The following GPM6B variants were observed in gnomAD, a reference collection of about 807,000 sequenced individuals.
GPM6B encodes the protein glycoprotein M6B.
Under a neutral mutation model 27.2 loss-of-function variants are expected in GPM6B, and 4 were observed. That is an observed-to-expected ratio of 0.15 (90% CI 0.07 to 0.34). The LOEUF is 0.34. GPM6B is among the 10% of genes least tolerant of loss of function. The probability of loss-of-function intolerance (pLI) is 1.00; values close to 1 mark genes in which losing one functional copy is unlikely to be tolerated. For synonymous variants in GPM6B, 124 were observed against 103.1 expected, an observed-to-expected ratio of 1.20 and a Z score of -1.23; for missense variants, 183 against 261.9, an observed-to-expected ratio of 0.70 and a Z score of 2.08.
intron 1 of GPM6B, among the ~76,000 whole-genome samples, chrX:13,832,067 T>C (rs770556457): frequency 9.0e-6 from 1 of 111,298 alleles, no homozygotes; most frequent in East Asian, 2.8e-4. Flanking sequence ...AAACAATATA[T>C]TTATGTACTT....
At chrX:13,810,806 A>T (rs112491988) in intron 1 of GPM6B, among the ~76,000 whole-genome samples, 1,510 of 109,946 alleles carry the variant, frequency 0.014, 23 homozygotes, top group African/African-American at 0.048. Context: ...CGGCAACTGG[A>T]TGGATGTGTT....
intron 1 of GPM6B, among the ~76,000 whole-genome samples, chrX:13,832,758 G>A (rs1603059450): frequency 8.9e-6 from 1 of 111,795 alleles, no homozygotes; most frequent in East Asian, 2.8e-4. Context: ...ATAGTCAGTG[G>A]CCTTTGAAAA....
chrX:13,789,612 A>G, intron 2 of GPM6B, among the ~76,000 whole-genome samples: 1 of 110,485 alleles, frequency 9.1e-6, no homozygotes, highest in Non-Finnish European at 1.9e-5. Context: ...CGTCTCTACT[A>G]AAAATACAAA....
intron 1 of GPM6B, among the ~76,000 whole-genome samples, chrX:13,930,336 C>T (rs7066931): frequency 0.4 from 44,191 of 110,502 alleles, 7,219 homozygotes; most frequent in Non-Finnish European, 0.52. Context: ...CAAGGGAGGC[C>T]GGGCACGGTG....
Position 13,857,863 on chromosome X carries a change from T to C in GPM6B, c.-197-72055A>G, listed in dbSNP as rs901779479. ...CACTTCAATGAGGTAGATAAACAAGTAAGCAAGGTTTTGTATTGCAAGCAT... is the reference window on the plus strand; with the variant it reads ...CACTTCAATGAGGTAGATAAACAAGCAAGCAAGGTTTTGTATTGCAAGCAT... On this transcript the variant is annotated intron_variant, in intron 1 of 6. Transcript: ENST00000398361. 1.8e-5 allele frequency among the ~76,000 whole-genome samples: 2 copies of C among 112,678 alleles called. 1 individual carries two copies. The highest frequency in any genetic ancestry group is 5.5e-4 in the East Asian group (2 of 3,617).
At position 13,780,751 on chromosome X, in the gene GPM6B, A is replaced by T. The variant is rs753830697; in HGVS notation, c.526-762T>A. Among the ~76,000 whole-genome samples the T allele has an allele frequency of 2.1e-3, 229 of 110,681 alleles. 1 individual carries two copies. Among genetic ancestry groups the T allele is most frequent in the African/African-American group, 7.3e-3 (218 of 29,936 alleles). On this transcript the variant is annotated intron_variant, in intron 4 of 7. Coordinates refer to ENST00000316715, the MANE Select transcript of GPM6B (RefSeq NM_001001995.3). ...CGTTGCTTGGCTTTCCTCTGCCTTG[A>T]CCACTTTTCAGAGAGCTTTGTGAGG...
In GPM6B at chrX:13,807,695, G is replaced by A; in HGVS notation, c.136C>T (p.Pro46Ser). 2 of 1,205,544 alleles carry A rather than the reference G, an allele frequency of 1.7e-6. No individual in the cohort carries two copies. Among genetic ancestry groups the A allele is most frequent in the Middle Eastern group, 4.6e-4 (2 of 4,329 alleles). Residue 46 changes from proline to serine, a missense_variant, in exon 2 of 8, where the codon CCC becomes TCC. Coordinates refer to ENST00000316715, the MANE Select transcript of GPM6B (RefSeq NM_001001995.3). Reference protein sequence around the residue: ...YPGSKNHQYHPVPTLGDRASP... With the variant: ...YPGSKNHQYHSVPTLGDRASP... ...GCCCTGTCCCCCAGGGTTGGCACGG[G>A]ATGGTACTGGTGGTTCTTTGAGCCT...
chrX:13,876,358 A>G (rs1569279814), intron 1 of GPM6B, among the ~76,000 whole-genome samples: 1 of 112,447 alleles, frequency 8.9e-6, no homozygotes, highest in Non-Finnish European at 1.9e-5. Flanking sequence ...CTGGTTATCA[A>G]GGAAGACACA....
intron 1 of GPM6B, among the ~76,000 whole-genome samples, chrX:13,892,156 C>A (rs758121305): frequency 9.0e-5 from 10 of 111,638 alleles, no homozygotes; most frequent in Non-Finnish European, 1.5e-4. Flanking sequence ...GACAGAATTT[C>A]TTTTTCTGGA....
At chrX:13,911,132 G>T (rs974895562) in intron 1 of GPM6B, among the ~76,000 whole-genome samples, 2 of 111,914 alleles carry the variant, frequency 1.8e-5, no homozygotes, top group African/African-American at 6.5e-5. Flanking sequence ...TTTAAATCTG[G>T]CAGTCTGACT....
intron 1 of GPM6B, among the ~76,000 whole-genome samples, chrX:13,840,402 G>A (rs1422141259): frequency 1.8e-5 from 2 of 111,380 alleles, no homozygotes; most frequent in African/African-American, 3.3e-5. Context: ...CCCTGCCTGC[G>A]GGCTCCGGGA....
chrX:13,874,937 TCC>T (rs71876153), intron 1 of GPM6B, among the ~76,000 whole-genome samples: 11 of 97,412 alleles, frequency 1.1e-4, no homozygotes, highest in East Asian at 1.1e-3. Flanking sequence ...CACATACCAA[TCC>T]CCCCCCCACC....
intron 1 of GPM6B, among the ~76,000 whole-genome samples, chrX:13,876,647 G>A (rs905620566): frequency 2.7e-5 from 3 of 111,570 alleles, no homozygotes; most frequent in East Asian, 5.6e-4. Context: ...TCTTCCATTT[G>A]TGAAGATGGC....
intron 1 of GPM6B, among the ~76,000 whole-genome samples, chrX:13,914,702 T>C (rs988870160): frequency 8.9e-6 from 1 of 112,362 alleles, no homozygotes; most frequent in Non-Finnish European, 1.9e-5. Flanking sequence ...AACAAATCTA[T>C]ATTGTAGCTA....
chrX:13,931,955 A>G (rs947732145), intron 1 of GPM6B, among the ~76,000 whole-genome samples: 11 of 112,034 alleles, frequency 9.8e-5, no homozygotes, highest in Non-Finnish European at 1.9e-5. Flanking sequence ...ATAAGCCACA[A>G]GGTTTTACCT....
chrX:13,851,078 G>A (rs1196237160), intron 1 of GPM6B, among the ~76,000 whole-genome samples: 2 of 103,383 alleles, frequency 1.9e-5, no homozygotes, highest in African/African-American at 3.6e-5. Flanking sequence ...CAGGAGAATC[G>A]CTTGAACCCA....
At chrX:13,860,667 A>C (rs1603088729) in intron 1 of GPM6B, among the ~76,000 whole-genome samples, 1 of 110,265 alleles carries the variant, frequency 9.1e-6, no homozygotes, top group East Asian at 2.8e-4. Flanking sequence ...TTTGGGGAAC[A>C]GGTAGTGTTT....
rs886550389 is a variant in GPM6B, at chrX:13,934,093, G to C, written c.-198+4234C>G. Among the ~76,000 whole-genome samples the C allele has an allele frequency of 2.7e-5, 3 of 110,894 alleles. No individual in the cohort carries two copies. The Admixed American group carries it at 2.9e-4, about 11-fold the overall frequency. On this transcript the variant is annotated intron_variant, in intron 1 of 6. Coordinates refer to the GPM6B transcript ENST00000398361. ...TTTCTCGGAGAAGCCAGGTGGTTTG[G>C]TCAACAGCTTTCGGTAGAGCAAAAA...
intron 1 of GPM6B, among the ~76,000 whole-genome samples, chrX:13,891,326 A>C (rs997268098): frequency 1.8e-5 from 2 of 111,270 alleles, no homozygotes; most frequent in Admixed American, 9.6e-5. Context: ...TTAAAGGTTG[A>C]GAACTGCTGC....
Sources: gnomAD v4.1 joint callset for allele counts (sites outside exome capture counted in the v4.1 genomes callset) on GRCh38, gnomAD v4.1.1 for gene constraint, MANE v1.5 for transcripts, NCBI Gene and HGNC (gene_info 2026-07-23, HGNC 2026-07-21) for gene names.